Variants in CCDC62 observed in about 807,000 individuals in gnomAD.
The protein encoded by CCDC62 is coiled-coil domain-containing protein 62.
Under a neutral mutation model 80.8 loss-of-function variants are expected in CCDC62, and 72 were observed. The observed-to-expected ratio is 0.89, with a 90% confidence interval of 0.74 to 1.08. CCDC62 has a LOEUF of 1.08. CCDC62 is among the 50% of genes least tolerant of loss of function. The pLI is 0.00. For synonymous variants in CCDC62, 286 were observed against 296.5 expected (o/e 0.96, Z 0.36); for missense variants, 704 against 809.4 (o/e 0.87, Z 1.58).
intron 6 of CCDC62, among the ~76,000 whole-genome samples, chr12:122,795,609 A>G (rs1044532370): frequency 1.3e-5 from 2 of 152,086 alleles, no homozygotes; most frequent in Admixed American, 6.6e-5. Flanking sequence ...ATTTTTTAGT[A>G]GAGATGGGGT....
chr12:122,813,343 G>T lies in CCDC62; in HGVS notation c.1925G>T (p.Arg642Leu). Residue 642 changes from arginine to leucine, a missense_variant, in exon 11 of 13, where the codon CGT becomes CTT. Arg to Leu is a moderately radical substitution (Grantham distance 102). Transcript: ENST00000253079. ...SKLQRLLAES[R>L]QMVTDLELST... ...CTCCAGCGTTTGCTGGCGGAATCTCGTCAGATGGTGACGGACCTGGAGCTG... is the reference window on the plus strand; with the variant it reads ...CTCCAGCGTTTGCTGGCGGAATCTCTTCAGATGGTGACGGACCTGGAGCTG... 6.2e-7 allele frequency: 1 copy of T among 1,613,970 alleles called. No individual in the cohort carries two copies. Among genetic ancestry groups the T allele is most frequent in the Non-Finnish European group, 8.5e-7 (1 of 1,179,970 alleles).
In CCDC62 at chr12:122,801,496, A is replaced by G; in HGVS notation, c.1350A>G (p.Ser450=). 2.5e-6 allele frequency: 4 copies of G among 1,614,204 alleles called. No homozygotes were observed. The highest frequency in any genetic ancestry group is 3.4e-6 in the Non-Finnish European group (4 of 1,180,034). The change falls in exon 9 of 13, where the codon TCA becomes TCG. Residue 450 remains serine (S), a synonymous_variant. Transcript: ENST00000253079. ...TGVQNEGKQP[S]ETPTLSDEKQ... ...TTCAGAACGAAGGAAAACAACCCTCAGAAACACCCACTTTATCTGATGAGA... is the reference window on the plus strand; with the variant it reads ...TTCAGAACGAAGGAAAACAACCCTCGGAAACACCCACTTTATCTGATGAGA...
chr12:122,810,964 G>A (rs950720618), intron 10 of CCDC62, among the ~76,000 whole-genome samples: 66 of 139,704 alleles, frequency 4.7e-4, no homozygotes, highest in Non-Finnish European at 7.8e-4. Context: ...GGTGGGAATT[G>A]AACAATGAGA....
chr12:122,792,776 G>A (rs1407753462), intron 6 of CCDC62, among the ~76,000 whole-genome samples: 2 of 152,022 alleles, frequency 1.3e-5, no homozygotes, highest in Non-Finnish European at 2.9e-5. Context: ...CCTCAGCCTC[G>A]CAAAGTGCTG....
At chr12:122,823,799 G>A (rs1285493914) in intron 12 of CCDC62, among the ~76,000 whole-genome samples, 2 of 150,788 alleles carry the variant, frequency 1.3e-5, no homozygotes, top group Admixed American at 6.6e-5. Context: ...TCAGGAGTTC[G>A]AGACCAGCCT....
chr12:122,819,836 CT>C (rs1266040564), intron 11 of CCDC62, among the ~76,000 whole-genome samples: 1 of 152,036 alleles, frequency 6.6e-6, no homozygotes, highest in African/African-American at 2.4e-5. Flanking sequence ...GGGAGGATTG[CT>C]TGAGCCCAGG....
intron 5 of CCDC62, among the ~76,000 whole-genome samples, chr12:122,789,528 G>A (rs2030468484): frequency 6.6e-6 from 1 of 152,212 alleles, no homozygotes; most frequent in African/African-American, 2.4e-5. Context: ...CACCTCCTGG[G>A]TTCAAGCTAT....
At chr12:122,782,874 G>A (rs11059932) in intron 3 of CCDC62, among the ~76,000 whole-genome samples, 120,858 of 151,322 alleles carry the variant, frequency 0.8, 49,210 homozygotes, top group Middle Eastern at 0.9. Flanking sequence ...TTGGGAGGCC[G>A]AGGTGGGCGG....
chr12:122,825,788 C>G (rs1341381099), intron 12 of CCDC62, among the ~76,000 whole-genome samples: 1 of 147,496 alleles, frequency 6.8e-6, no homozygotes, highest in Non-Finnish European at 1.5e-5. Flanking sequence ...GAGTTTGAGA[C>G]CATCCTGGCC....
chr12:122,783,469 G>A (rs2030002937), intron 3 of CCDC62, among the ~76,000 whole-genome samples: 1 of 151,946 alleles, frequency 6.6e-6, no homozygotes, highest in Non-Finnish European at 1.5e-5. Flanking sequence ...CTCGTGATCT[G>A]CCCGCCTCGG....
In CCDC62 at chr12:122,785,801, C is replaced by G. The variant is rs960928144; in HGVS notation, c.479C>G (p.Thr160Arg). 3.7e-6 allele frequency: 6 copies of G among 1,609,532 alleles called. No homozygotes were observed. The highest frequency in any genetic ancestry group is 3.3e-5 in the Admixed American group (2 of 59,980). Residue 160 changes from threonine to arginine, a missense_variant, in exon 4 of 13, where the codon ACG becomes AGG. By Grantham distance (71) the Thr-to-Arg change is moderately conservative. Transcript: ENST00000253079. The stretch of plus-strand genomic sequence containing the variant: ...CTACAAGCTCGAGAACAAGCTCTTA[C>G]GACAATGATAAAGCTAAAGGTAATC... Reference protein sequence around the residue: ...GQLQAREQALTTMIKLKDKDI... With the variant: ...GQLQAREQALRTMIKLKDKDI...
chr12:122,803,772 A>T (rs758361930), intron 9 of CCDC62, among the ~76,000 whole-genome samples: 2 of 152,238 alleles, frequency 1.3e-5, no homozygotes, highest in Admixed American at 6.5e-5. Flanking sequence ...TCTTTGGATA[A>T]TTGCAAGTAT....
intron 10 of CCDC62, among the ~76,000 whole-genome samples, chr12:122,809,165 C>G (rs1407287531): frequency 1.3e-5 from 2 of 152,230 alleles, no homozygotes; most frequent in Non-Finnish European, 2.9e-5. Context: ...CCAGATTTAC[C>G]TCCTCTCTGC....
chr12:122,784,956 T>G (rs2030119943), intron 3 of CCDC62, among the ~76,000 whole-genome samples: 1 of 152,166 alleles, frequency 6.6e-6, no homozygotes, highest in Non-Finnish European at 1.5e-5. Context: ...CCGGCCAACG[T>G]GGCGAAACCC....
At chr12:122,814,153 T>C (rs940247592) in intron 11 of CCDC62, among the ~76,000 whole-genome samples, 3 of 151,570 alleles carry the variant, frequency 2.0e-5, no homozygotes, top group African/African-American at 7.3e-5. Context: ...TAGTGGCACA[T>C]GCCTGTAATC....
rs1566086668 is a variant in CCDC62 at position 122,812,783 on chromosome 12, GAA to G, written c.1852-485_1852-484del. 4.0e-3 allele frequency among the ~76,000 whole-genome samples: 445 copies of G among 111,896 alleles called. 2 individuals carry two copies. The highest frequency in any genetic ancestry group is 0.018 in the African/African-American group (404 of 22,846). 73.4% of individuals were successfully genotyped at this position (111,896 alleles called of 152,430 possible). On this transcript the variant is annotated intron_variant, in intron 10 of 12. Transcript: ENST00000253079. Reference sequence around the variant, plus strand: ...AGAGAGAGAGAGAGAGAGAGAGAAAGAAAGAAAGAAAGAAAGAAAGAAAGAAA... The same window carrying G: ...AGAGAGAGAGAGAGAGAGAGAGAAAGAGAAAGAAAGAAAGAAAGAAAGAAA...
At chr12:122,820,306 G>A (rs2032348294) in intron 11 of CCDC62, among the ~76,000 whole-genome samples, 2 of 152,294 alleles carry the variant, frequency 1.3e-5, no homozygotes, top group South Asian at 4.2e-4. Context: ...AGAGTAAGGG[G>A]AAGCGCACAG....
intron 6 of CCDC62, among the ~76,000 whole-genome samples, chr12:122,792,916 T>C (rs887351094): frequency 5.3e-5 from 8 of 152,150 alleles, no homozygotes; most frequent in African/African-American, 1.9e-4. Context: ...TCCTCTTCTG[T>C]AAAATGAGCT....
At chr12:122,806,079 T>C (rs2031580419) in intron 9 of CCDC62, 72 bp from the exon 10 acceptor site, 2 of 1,353,420 alleles carry the variant, frequency 1.5e-6, no homozygotes, top group East Asian at 2.4e-5. Context: ...TAAGATACTT[T>C]TGAGTATAAG....
Sources: gnomAD v4.1 joint callset for allele counts (sites outside exome capture counted in the v4.1 genomes callset) on GRCh38, gnomAD v4.1.1 for gene constraint, MANE v1.5 for transcripts, NCBI Gene and HGNC (gene_info 2026-07-23, HGNC 2026-07-21) for gene names.